Variants in PMPCB observed in about 807,000 individuals in gnomAD.
PMPCB encodes the protein peptidase, mitochondrial processing subunit beta.
A neutral mutation model predicts 61.5 loss-of-function variants in PMPCB; 46 were observed. That is an observed-to-expected ratio of 0.75 (90% confidence interval 0.59 to 0.96). The LOEUF (loss-of-function observed/expected upper bound fraction) is 0.96, where lower values mean the gene tolerates loss of function less well. Among genes scored for constraint, PMPCB ranks in the 40% least tolerant of loss-of-function variants. The pLI is 0.00. For missense variants in PMPCB, 590 were observed against 602.4 expected (o/e 0.98, Z 0.22); for synonymous variants, 191 against 201.6 (o/e 0.95, Z 0.44).
In PMPCB at chr7:103,312,613, CT is replaced by C; in HGVS notation, c.*345del. ...GCATTCAGCACTTGTTCTTGAGCAG[CT>C]TTCTTTGCTTTTACCATCTCGACAA... On this transcript the variant is annotated 3_prime_UTR_variant, in exon 13 of 13. Transcript: ENST00000249269. 1 of 1,613,626 alleles carries C rather than the reference CT, an allele frequency of 6.2e-7. No individual in the cohort carries two copies. Among genetic ancestry groups the C allele is most frequent in the Non-Finnish European group, 8.5e-7 (1 of 1,179,830 alleles).
At chr7:103,309,557 G>C (rs561411302) in intron 8 of PMPCB, among the ~76,000 whole-genome samples, 3 of 152,210 alleles carry the variant, frequency 2.0e-5, no homozygotes, top group Admixed American at 1.3e-4. Flanking sequence ...TATTTATCTA[G>C]AGATGATTTA....
At chr7:103,344,328 G>A in the PMPCB span, 1 of 584,232 alleles carries the variant, frequency 1.7e-6, no homozygotes, top group Non-Finnish European at 3.0e-6. Context: ...GCAGCGGCGA[G>A]AGGAGGAAGC....
intron 12 of PMPCB, chr7:103,327,825 C>T: frequency 7.7e-6 from 7 of 904,788 alleles, no homozygotes; most frequent in Non-Finnish European, 1.0e-5. Context: ...TACATGTAGA[C>T]CATTTCTAAA....
At chr7:103,345,385 A>T in the PMPCB span, among the ~76,000 whole-genome samples, 13 of 152,240 alleles carry the variant, frequency 8.5e-5, no homozygotes, top group South Asian at 2.1e-3. Flanking sequence ...AATAAAATCA[A>T]TTGTATTCCT....
At chr7:103,308,381 A>C (rs901112781) in intron 7 of PMPCB, among the ~76,000 whole-genome samples, 24 of 152,316 alleles carry the variant, frequency 1.6e-4, no homozygotes, top group African/African-American at 5.5e-4. Context: ...CAGCACTTGG[A>C]GAGGCTGAGG....
chr7:103,315,169 A>T (rs1416200885), downstream of PMPCB, among the ~76,000 whole-genome samples: 7 of 146,796 alleles, frequency 4.8e-5, no homozygotes, highest in Admixed American at 3.4e-4. Flanking sequence ...AAACCCTAAC[A>T]TTTTTTTTTT....
At chr7:103,337,702 A>G in the PMPCB span, 1 of 1,526,150 alleles carries the variant, frequency 6.6e-7, no homozygotes, top group Non-Finnish European at 9.1e-7. Flanking sequence ...CCTATACAAG[A>G]TATTTGATTA....
intron 12 of PMPCB, chr7:103,323,579 T>C (rs1586084516): frequency 2.8e-6 from 4 of 1,443,828 alleles, no homozygotes; most frequent in Non-Finnish European, 3.7e-6. Flanking sequence ...CTTCCATTAT[T>C]AATGATTTGC....
chr7:103,319,264 C>G (rs992917915), downstream of PMPCB, among the ~76,000 whole-genome samples: 1 of 152,076 alleles, frequency 6.6e-6, no homozygotes. Context: ...TGGTGAAACC[C>G]TGTCTCTACC....
chr7:103,327,491 C>T (rs1057481714), intron 12 of PMPCB: 8 of 681,378 alleles, frequency 1.2e-5, no homozygotes, highest in African/African-American at 7.3e-5. Flanking sequence ...CACTTTGTGT[C>T]GTGAGGCTCT....
the PMPCB span, chr7:103,344,278 G>A: frequency 1.3e-5 from 7 of 521,998 alleles, no homozygotes; most frequent in African/African-American, 5.8e-5. Flanking sequence ...GGGGTGCTGG[G>A]GGGTTCCGTC....
rs1817411762 is a variant in PMPCB at position 103,300,236 on chromosome 7, A to G, written c.386A>G (p.His129Arg). The part of the protein sequence containing the change: ...LELEIENMGA[H>R]LNAYTSREQT... ...CTTGAGATTGAAAATATGGGTGCTC[A>G]TCTCAATGCCTATACCTCCAGAGAG... Residue 129 changes from histidine (H) to arginine (R), a missense_variant, in exon 4 of 13, where the codon CAT (histidine) becomes CGT (arginine). Transcript: ENST00000249269. 2 of 1,612,110 alleles carry G rather than the reference A, an allele frequency of 1.2e-6. No individual in the cohort carries two copies. Among genetic ancestry groups the G allele is most frequent in the East Asian group, 2.2e-5 (1 of 44,854 alleles).
chr7:103,316,216 A>G, downstream of PMPCB: 2 of 500,958 alleles, frequency 4.0e-6, no homozygotes, highest in Non-Finnish European at 6.7e-6. Context: ...TTGGTGGTCT[A>G]ATTATGCTGC....
At chr7:103,316,169 T>G (rs1342326133), downstream of PMPCB, 3 of 840,374 alleles carry the variant, frequency 3.6e-6, no homozygotes, top group East Asian at 2.7e-5. Flanking sequence ...AGATTTTTAC[T>G]GCAGAAAGGT....
chr7:103,343,060 C>T, the PMPCB span, among the ~76,000 whole-genome samples: 4 of 151,920 alleles, frequency 2.6e-5, no homozygotes, highest in East Asian at 5.8e-4. Flanking sequence ...AGTGCAATAG[C>T]GCAATCTCGG....
chr7:103,324,430 T>G, intron 12 of PMPCB: 1 of 1,394,660 alleles, frequency 7.2e-7, no homozygotes. Flanking sequence ...ACTTATTGAA[T>G]ACTTTTCCTT....
chr7:103,341,925 CCA>C, the PMPCB span: 1 of 1,608,160 alleles, frequency 6.2e-7, no homozygotes, highest in Non-Finnish European at 8.5e-7. Flanking sequence ...AACCATCTTC[CCA>C]CAGGTTCAAC....
chr7:103,344,066 A>T, the PMPCB span, among the ~76,000 whole-genome samples: 1 of 152,254 alleles, frequency 6.6e-6, no homozygotes. Context: ...TCTTTTCAGC[A>T]GCACAGTCTT....
At chr7:103,333,029 C>T (rs1415928631), downstream of PMPCB, among the ~76,000 whole-genome samples, 2 of 152,204 alleles carry the variant, frequency 1.3e-5, no homozygotes, top group Admixed American at 6.5e-5. Context: ...CTGCATTATA[C>T]TTACTGGGTG....
Sources: allele counts gnomAD v4.1 joint callset (sites outside exome capture counted in the v4.1 genomes callset), GRCh38; gene constraint gnomAD v4.1.1; transcripts MANE v1.5; gene names NCBI Gene and HGNC (gene_info 2026-07-23, HGNC 2026-07-21).